Variants in PLD5 observed in about 807,000 individuals in gnomAD.
PLD5 encodes the protein inactive phospholipase D5.
PLD5 carries 36 observed loss-of-function variants against 61.1 expected under a neutral mutation model. That is an observed-to-expected ratio of 0.59 (90% CI 0.45 to 0.78). PLD5 has a LOEUF of 0.78. Among genes scored for constraint, PLD5 ranks in the 30% least tolerant of loss-of-function variants. The pLI is 0.00. For missense variants in PLD5, 515 were observed against 644.4 expected (o/e 0.80, Z 2.17); for synonymous variants, 243 against 242.8 (o/e 1.00, Z -0.01).
intron 3 of PLD5, among the ~76,000 whole-genome samples, chr1:242,286,579 T>C (rs1294206277): frequency 6.6e-6 from 1 of 152,186 alleles, no homozygotes; most frequent in Non-Finnish European, 1.5e-5. Flanking sequence ...TATCTCCTAG[T>C]GACTCCCCTA....
At position 242,353,179 on chromosome 1, in the gene PLD5, C is replaced by T. The variant is rs151122335; in HGVS notation, c.190-4937G>A. 2.6e-5 allele frequency among the ~76,000 whole-genome samples: 4 copies of T among 152,176 alleles called. No homozygotes were observed. The East Asian group carries it at 5.8e-4, about 22-fold the overall frequency. On this transcript the variant is annotated intron_variant, in intron 1 of 9. Transcript: ENST00000536534. ...GCTTTCAGGTTTTATGTTTCTTTAA[C>T]CCATTTTGAGTTGATTTTTGTATAC...
rs1225720059 is a variant in PLD5 at position 242,089,876 on chromosome 1, C to T, written c.1589G>A (p.Gly530Glu). 4 of 1,614,196 alleles carry T rather than the reference C, an allele frequency of 2.5e-6. No homozygotes were observed. Among genetic ancestry groups the T allele is most frequent in the Non-Finnish European group, 3.4e-6 (4 of 1,180,034 alleles). The change falls in exon 10 of 10, where the codon GGA becomes GAA. Residue 530 changes from glycine to glutamate, a missense_variant. This residue lies in a region of PLD5 where 450 missense variants were observed against 598.1 expected (regional missense o/e 0.75). Transcript: ENST00000536534. Reference protein sequence around the residue: ...SNKTATDDTGGKDPRNV With the variant: ...SNKTATDDTGEKDPRNV ...ATGTTATACGTTCCGGGGATCCTTT[C>T]CGCCTGTGTCGTCTGTGGCAGTTTT...
chr1:242,369,299 C>T (rs377253243), intron 1 of PLD5, among the ~76,000 whole-genome samples: 3 of 152,250 alleles, frequency 2.0e-5, no homozygotes, highest in East Asian at 3.9e-4. Flanking sequence ...TGCAAACTGG[C>T]AGAGCTTGCT....
intron 1 of PLD5, among the ~76,000 whole-genome samples, chr1:242,368,448 T>C (rs576863934): frequency 3.9e-5 from 6 of 152,004 alleles, no homozygotes; most frequent in Non-Finnish European, 7.4e-5. Flanking sequence ...AGAAAGAAAA[T>C]AGCTCTCTGC....
chr1:242,217,467 T>C (rs1343164706), intron 5 of PLD5, among the ~76,000 whole-genome samples: 1 of 152,014 alleles, frequency 6.6e-6, no homozygotes, highest in Non-Finnish European at 1.5e-5. Context: ...TACTAAAAAA[T>C]ACAAAAATTA....
At position 242,282,414 on chromosome 1, in the gene PLD5, C is replaced by T. The variant is rs147687173; in HGVS notation, c.495+5948G>A. Among the ~76,000 whole-genome samples, 417 of 152,226 alleles carry T rather than the reference C, an allele frequency of 2.7e-3. 7 individuals are homozygous for T. In the South Asian group the frequency reaches 0.04, roughly 15 times the overall value. On this transcript the variant is annotated intron_variant, in intron 3 of 9. Transcript: ENST00000536534. ...GCTAACCACTGTGTAGAGGTAGGAT[C>T]CAGGCTCGTACTTCCCAAAAACAAC... is the stretch of plus-strand genomic sequence containing the variant.
chr1:242,457,045 A>C (rs1212354008), intron 1 of PLD5, among the ~76,000 whole-genome samples: 2 of 152,174 alleles, frequency 1.3e-5, no homozygotes, highest in African/African-American at 4.8e-5. Context: ...TCATCCACTT[A>C]TCCAGGGGGT....
At chr1:242,322,250 C>G (rs1292838976) in intron 2 of PLD5, among the ~76,000 whole-genome samples, 1 of 152,198 alleles carries the variant, frequency 6.6e-6, no homozygotes, top group Non-Finnish European at 1.5e-5. Context: ...CGTTTGTTCA[C>G]TCTGCCTTGG....
intron 2 of PLD5, among the ~76,000 whole-genome samples, chr1:242,324,733 C>T (rs1658641030): frequency 6.6e-6 from 1 of 152,128 alleles, no homozygotes; most frequent in Non-Finnish European, 1.5e-5. Flanking sequence ...AATATTACTA[C>T]TATAAAACCT....
In PLD5 at chr1:242,247,446, C is replaced by A. The variant is rs1042252453; in HGVS notation, c.607+17891G>T. 2.6e-5 allele frequency among the ~76,000 whole-genome samples: 4 copies of A among 152,188 alleles called. No individual in the cohort carries two copies. In the East Asian group the frequency reaches 5.8e-4, roughly 22 times the overall value. On this transcript the variant is annotated intron_variant, in intron 4 of 9. Transcript: ENST00000536534. ...CATTATACTGGGTCATTACAAAAAA[C>A]CCATTTAATGAGATTTTATGGTTCA...
intron 2 of PLD5, among the ~76,000 whole-genome samples, chr1:242,308,639 T>C (rs1326994597): frequency 6.6e-6 from 1 of 152,148 alleles, no homozygotes; most frequent in Admixed American, 6.6e-5. Context: ...ATGTGAATGA[T>C]ATGATTTCAG....
chr1:242,288,722 G>C (rs1045196582), intron 2 of PLD5, among the ~76,000 whole-genome samples, 192 bp from the exon 3 acceptor site: 10 of 152,238 alleles, frequency 6.6e-5, no homozygotes, highest in African/African-American at 2.4e-4. Context: ...ACTGTGTTCT[G>C]AGAGTTTATG....
intron 1 of PLD5, among the ~76,000 whole-genome samples, chr1:242,421,456 T>G (rs780368102): frequency 2.0e-5 from 3 of 152,172 alleles, no homozygotes; most frequent in Admixed American, 6.5e-5. Flanking sequence ...ATCTGAACCT[T>G]GTAATCACAA....
At chr1:242,144,732 G>A (rs946476166) in intron 5 of PLD5, among the ~76,000 whole-genome samples, 3 of 152,160 alleles carry the variant, frequency 2.0e-5, no homozygotes, top group Admixed American at 1.3e-4. Flanking sequence ...AGTGAGCTGA[G>A]ATTGCGCCAC....
intron 1 of PLD5, among the ~76,000 whole-genome samples, chr1:242,496,905 C>G (rs1572246982): frequency 6.6e-6 from 1 of 152,220 alleles, no homozygotes; most frequent in East Asian, 1.9e-4. Flanking sequence ...TGTGATAGTG[C>G]AACTTCTAGG....
At chr1:242,496,363 A>G (rs1270953931) in intron 1 of PLD5, among the ~76,000 whole-genome samples, 1 of 152,252 alleles carries the variant, frequency 6.6e-6, no homozygotes, top group Non-Finnish European at 1.5e-5. Context: ...CAACTTCAGT[A>G]GGCACAGATT....
intron 2 of PLD5, among the ~76,000 whole-genome samples, chr1:242,291,568 A>G (rs907815683): frequency 3.9e-5 from 6 of 152,128 alleles, no homozygotes; most frequent in Non-Finnish European, 8.8e-5. Flanking sequence ...GCACTTTGGG[A>G]GGCCGAGGCG....
At chr1:242,441,943 T>C (rs1483134361) in intron 1 of PLD5, among the ~76,000 whole-genome samples, 4 of 152,256 alleles carry the variant, frequency 2.6e-5, no homozygotes, top group Admixed American at 6.5e-5. Flanking sequence ...ATCTTTGCTA[T>C]TGATAATTTA....
chr1:242,510,361 T>C (rs1668865391), intron 1 of PLD5, among the ~76,000 whole-genome samples: 1 of 152,182 alleles, frequency 6.6e-6, no homozygotes, highest in African/African-American at 2.4e-5. Flanking sequence ...ACAATATCTG[T>C]ATGTACAAAG....
Sources: allele counts gnomAD v4.1 joint callset (sites outside exome capture counted in the v4.1 genomes callset), GRCh38; gene constraint gnomAD v4.1.1; regional missense constraint gnomAD v4.1.1; transcripts MANE v1.5; gene names NCBI Gene and HGNC (gene_info 2026-07-23, HGNC 2026-07-21).